DNAH14: variants seen among roughly 807,000 people sequenced by gnomAD.
DNAH14 encodes dynein axonemal heavy chain 14.
A neutral mutation model predicts 520.9 loss-of-function variants in DNAH14; 478 were observed. The observed-to-expected ratio is 0.92, with a 90% confidence interval of 0.85 to 0.99. The LOEUF (loss-of-function observed/expected upper bound fraction) is 0.99, where lower values mean the gene tolerates loss of function less well. DNAH14 is among the 50% of genes least tolerant of loss of function. DNAH14 has a pLI of 0.00. For synonymous variants in DNAH14, 1,581 were observed against 1,757.2 expected (o/e 0.90, Z 2.51); for missense variants, 4,831 against 5,234.5 (o/e 0.92, Z 2.38).
intron 55 of DNAH14, among the ~76,000 whole-genome samples, chr1:225,291,818 G>C (rs76580274): frequency 0.055 from 8,422 of 152,130 alleles, 316 homozygotes; most frequent in Non-Finnish European, 0.073. Flanking sequence ...GCATTTCCCT[G>C]TAATTAGTGA....
intron 72 of DNAH14, among the ~76,000 whole-genome samples, chr1:225,352,666 AGT>A (rs1351986997): frequency 6.6e-6 from 1 of 152,002 alleles, no homozygotes; most frequent in Non-Finnish European, 1.5e-5. Flanking sequence ...AACTCCCATT[AGT>A]GTTATAAATA....
chr1:225,231,252 T>G, intron 42 of DNAH14, 101 bp downstream of exon 42: 1 of 767,834 alleles, frequency 1.3e-6, no homozygotes, highest in Non-Finnish European at 2.0e-6. Flanking sequence ...ACTTTTGTAT[T>G]TTCATAGTAT....
At chr1:225,398,997 G>A in intron 85 of DNAH14, 57 bp from the exon 86 acceptor site, 1 of 1,258,414 alleles carries the variant, frequency 7.9e-7, no homozygotes, top group Non-Finnish European at 1.1e-6. Context: ...GAAAATGTGA[G>A]CTACTGATTC....
At chr1:225,085,878 A>C in intron 21 of DNAH14, 89 bp downstream of exon 21, 2 of 1,305,010 alleles carry the variant, frequency 1.5e-6, no homozygotes, top group Non-Finnish European at 2.0e-6. Context: ...TTGCCTTTGA[A>C]TTGTATAAAT....
chr1:225,201,367 A>G (rs778422045), intron 38 of DNAH14, among the ~76,000 whole-genome samples: 1 of 152,024 alleles, frequency 6.6e-6, no homozygotes. Context: ...TTTCAGGTAA[A>G]TCAGGGATTT....
At chr1:225,205,643 G>T (rs946905369) in intron 39 of DNAH14, among the ~76,000 whole-genome samples, 7 of 152,204 alleles carry the variant, frequency 4.6e-5, no homozygotes, top group Middle Eastern at 3.4e-3. Flanking sequence ...AAATATTCTG[G>T]GGTAGAAGGG....
At chr1:224,933,188 A>G (rs2058805686) in intron 1 of DNAH14, among the ~76,000 whole-genome samples, 1 of 151,802 alleles carries the variant, frequency 6.6e-6, no homozygotes, top group African/African-American at 2.4e-5. Flanking sequence ...TTTTGTGGCT[A>G]TTGTAAATTA....
chr1:225,049,760 GTCTATCTATCTACCTA>G (rs1348865178), intron 15 of DNAH14, among the ~76,000 whole-genome samples: 75 of 134,710 alleles, frequency 5.6e-4, no homozygotes, highest in South Asian at 4.8e-4. Context: ...TTATCTATCT[GTCTATCTATCTACCTA>G]TCTATCTATC....
intron 27 of DNAH14, among the ~76,000 whole-genome samples, chr1:225,134,555 G>T (rs2078784127): frequency 6.6e-6 from 1 of 152,176 alleles, no homozygotes; most frequent in Admixed American, 6.5e-5. Flanking sequence ...AACCAACCTT[G>T]CATTCTGGGT....
intron 26 of DNAH14, among the ~76,000 whole-genome samples, chr1:225,121,683 A>G (rs2077299888): frequency 6.6e-6 from 1 of 152,038 alleles, no homozygotes; most frequent in Non-Finnish European, 1.5e-5. Context: ...TCTACTAAAA[A>G]TACAAAATTT....
At chr1:225,077,270 C>G (rs2072413793) in intron 17 of DNAH14, among the ~76,000 whole-genome samples, 1 of 152,096 alleles carries the variant, frequency 6.6e-6, no homozygotes. Context: ...ATTTACCTTA[C>G]CAGCATGTGC....
intron 81 of DNAH14, among the ~76,000 whole-genome samples, chr1:225,387,762 A>C (rs2095859064): frequency 6.6e-6 from 1 of 152,158 alleles, no homozygotes; most frequent in South Asian, 2.1e-4. Context: ...TTTCTAATGA[A>C]GACTCCAGAA....
chr1:225,337,155 T>C lies in DNAH14; in HGVS notation c.10081-111T>C, dbSNP rs1349638203. 9.9e-6 allele frequency: 9 copies of C among 911,882 alleles called. No individual in the cohort carries two copies. In the African/African-American group the frequency reaches 1.3e-4, roughly 14 times the overall value. 56.5% of individuals were successfully genotyped at this position (911,882 alleles called of 1,614,324 possible). On this transcript the variant is annotated intron_variant, in intron 66 of 85. Transcript: ENST00000682510. ...TCATTTCCTTAGCATTTTTAAACAG[T>C]ATTTCTTTTTCTAAAGGCAGTGATT...
chr1:225,258,216 T>C (rs1327192027), intron 45 of DNAH14, 98 bp downstream of exon 45: 1 of 1,143,234 alleles, frequency 8.7e-7, no homozygotes, highest in Non-Finnish European at 1.2e-6. Flanking sequence ...GAAAAAAATA[T>C]ACACTGAAAA....
At chr1:225,245,237 T>A (rs2092215309) in intron 43 of DNAH14, among the ~76,000 whole-genome samples, 1 of 152,180 alleles carries the variant, frequency 6.6e-6, no homozygotes, top group African/African-American at 2.4e-5. Context: ...TTCTTTTGCA[T>A]TTGCTGAGAG....
At chr1:225,087,664 G>A (rs78045355) in intron 21 of DNAH14, among the ~76,000 whole-genome samples, 8,935 of 152,278 alleles carry the variant, frequency 0.059, 353 homozygotes, top group Non-Finnish European at 0.078. Flanking sequence ...GAGCCTGGCA[G>A]ACTTCTGATA....
At chr1:225,335,836 T>G (rs553691469) in intron 66 of DNAH14, among the ~76,000 whole-genome samples, 13 of 81,244 alleles carry the variant, frequency 1.6e-4, no homozygotes, top group African/African-American at 2.4e-4. Context: ...TATGTACATA[T>G]ATGTACATAC....
At position 225,358,651 on chromosome 1, in the gene DNAH14, T is replaced by A; in HGVS notation, c.11775T>A (p.His3925Gln). 6.5e-7 allele frequency: 1 copy of A among 1,546,462 alleles called. No homozygotes were observed. The highest frequency in any genetic ancestry group is 8.7e-7 in the Non-Finnish European group (1 of 1,145,488). Reference sequence around the variant, plus strand: ...CTCCGCTGATACTTATTCAAACTCATGGTAAGCTATTTGTGAATAGTTAAG... The same window carrying A: ...CTCCGCTGATACTTATTCAAACTCAAGGTAAGCTATTTGTGAATAGTTAAG... ...ARTPLILIQTHGIDLTNILLR... is the reference protein window; with the variant it reads ...ARTPLILIQTQGIDLTNILLR... Residue 3925 changes from histidine to glutamine, a missense_variant and splice_region_variant, in exon 74 of 86, where the codon CAT becomes CAA. By Grantham distance (24) the His-to-Gln change is conservative. Transcript: ENST00000682510.
rs2094441526 is a variant in DNAH14, at chr1:225,315,032, TTTCCAACTTGG to T, written c.9241-3545_9241-3535del. Among the ~76,000 whole-genome samples, 8 of 152,306 alleles carry T rather than the reference TTTCCAACTTGG, an allele frequency of 5.3e-5. No homozygotes were observed. In the South Asian group the frequency reaches 1.7e-3, roughly 32 times the overall value. ...TCCTGGATAATATCCTGAAGTGTGT[TTTCCAACTTGG>T]TTCCATTCTCTCCATCACTTTCAAG... On this transcript the variant is annotated intron_variant, in intron 60 of 85. Coordinates refer to ENST00000682510, the MANE Select transcript of DNAH14 (RefSeq NM_001367479.1).
Sources: allele counts gnomAD v4.1 joint callset (sites outside exome capture counted in the v4.1 genomes callset), GRCh38; gene constraint gnomAD v4.1.1; transcripts MANE v1.5; gene names NCBI Gene and HGNC (gene_info 2026-07-23, HGNC 2026-07-21).